Variants in CASQ2 observed in about 807,000 individuals in gnomAD.
The protein encoded by CASQ2 is calsequestrin 2.
Under a neutral mutation model 46.5 loss-of-function variants are expected in CASQ2, and 49 were observed. The observed-to-expected ratio is 1.05, with a 90% confidence interval of 0.84 to 1.34. The LOEUF is 1.34. Ranked by LOEUF, CASQ2 falls within the 40% of genes most tolerant of loss-of-function variation. The pLI is 0.00. For missense variants in CASQ2, 486 were observed against 481.3 expected (o/e 1.01, Z -0.09); for synonymous variants, 174 against 168.5 (o/e 1.03, Z -0.25).
chr1:115,762,426 CCT>C lies in CASQ2; in HGVS notation c.234+5880_234+5881del, dbSNP rs543657361. ...CATGTTCTGAAACACTCTCTAGCTG[CCT>C]GAAAAAATCCCCCATAGCTTTCCTT... On this transcript the variant is annotated intron_variant, in intron 1 of 10. Coordinates refer to ENST00000261448, the MANE Select transcript of CASQ2 (RefSeq NM_001232.4). Among the ~76,000 whole-genome samples the C allele has an allele frequency of 1.2e-4, 19 of 152,258 alleles. No individual in the cohort carries two copies. The East Asian group carries it at 3.3e-3, about 26-fold the overall frequency.
intron 7 of CASQ2, among the ~76,000 whole-genome samples, chr1:115,720,959 T>C (rs1202060011): frequency 6.6e-6 from 1 of 152,220 alleles, no homozygotes; most frequent in Non-Finnish European, 1.5e-5. Context: ...ACTATGCTTA[T>C]CAATTACCTA....
In CASQ2 at chr1:115,768,675, TGAA is replaced by T. The variant is rs1649212634; in HGVS notation, c.-137_-135del. On this transcript the variant is annotated 5_prime_UTR_variant, in exon 1 of 11. Transcript: ENST00000261448. The stretch of plus-strand genomic sequence containing the variant: ...CTCTCTTCTTTGCCCTTCCTGGGGC[TGAA>T]AAGTGACTCTTCACCTCCTTGGGTC... The T allele has an allele frequency of 1.4e-6, 1 of 693,478 alleles. No homozygotes were observed. The highest frequency in any genetic ancestry group is 1.8e-5 in the African/African-American group (1 of 56,374). 43.0% of individuals were successfully genotyped at this position (693,478 alleles called of 1,614,324 possible). A position where few individuals can be genotyped will look rare whatever the true frequency, so the allele number is the denominator to read the frequency against.
intron 9 of CASQ2, 58 bp from the exon 10 acceptor site, chr1:115,703,053 C>A: frequency 1.5e-6 from 2 of 1,360,570 alleles, no homozygotes; most frequent in Non-Finnish European, 2.1e-6. Context: ...CTGTTAAGGA[C>A]CCACCCGCCG....
intron 4 of CASQ2, among the ~76,000 whole-genome samples, chr1:115,735,949 G>A (rs183138191): frequency 2.0e-4 from 30 of 152,122 alleles, no homozygotes; most frequent in African/African-American, 7.2e-4. Flanking sequence ...ATCATCTGAG[G>A]TCAGGAGTTC....
rs1654186246 is a variant in CASQ2, at chr1:115,700,991, G to C, written c.*250C>G. The C allele has an allele frequency of 1.6e-6, 1 of 633,024 alleles. No homozygotes were observed. The highest frequency in any genetic ancestry group is 2.8e-6 in the Non-Finnish European group (1 of 355,324). 39.2% of individuals were successfully genotyped at this position (633,024 alleles called of 1,614,324 possible). On this transcript the variant is annotated 3_prime_UTR_variant, in exon 11 of 11. Transcript: ENST00000261448. ...GATGGTCCAGCAAAGAACAAGATCT[G>C]TTCCGTGACAGTCAAGACAGTCAAC... is the stretch of plus-strand genomic sequence containing the variant.
Position 115,701,345 on chromosome 1 carries a change from G to A in CASQ2, c.1096C>T (p.Leu366Phe). ...EELEDWIEDV[L>F]SGKINTEDDD... ...TCTTCAGTGTTTATCTTTCCAGAAA[G>A]CACATCCTCAATCCAGTCCTCCAGC... Residue 366 changes from leucine to phenylalanine, a missense_variant, in exon 11 of 11, where the codon CTT (leucine) becomes TTT (phenylalanine). By Grantham distance (22) the Leu-to-Phe change is conservative. Transcript: ENST00000261448. 6.2e-7 allele frequency: 1 copy of A among 1,612,928 alleles called. No individual in the cohort carries two copies. Among genetic ancestry groups the A allele is most frequent in the Non-Finnish European group, 8.5e-7 (1 of 1,179,024 alleles).
chr1:115,766,739 C>T (rs528312629), intron 1 of CASQ2, among the ~76,000 whole-genome samples: 2 of 151,950 alleles, frequency 1.3e-5, no homozygotes, highest in Non-Finnish European at 2.9e-5. Context: ...TCTGCTGGGC[C>T]GGCACCCACT....
intron 7 of CASQ2, among the ~76,000 whole-genome samples, chr1:115,721,367 A>C (rs1368009058): frequency 6.6e-6 from 1 of 152,130 alleles, no homozygotes; most frequent in African/African-American, 2.4e-5. Context: ...TTTCCAATGT[A>C]CACACAGCAA....
intron 3 of CASQ2, among the ~76,000 whole-genome samples, chr1:115,739,487 G>C (rs1648109124): frequency 2.0e-5 from 3 of 152,108 alleles, no homozygotes; most frequent in African/African-American, 7.2e-5. Flanking sequence ...TCCCCTGCCA[G>C]TTATTGATTC....
intron 5 of CASQ2, among the ~76,000 whole-genome samples, chr1:115,730,336 G>A (rs1164923311): frequency 6.6e-6 from 1 of 152,140 alleles, no homozygotes; most frequent in Non-Finnish European, 1.5e-5. Context: ...CTCATATGAT[G>A]TATTTATTGG....
intron 7 of CASQ2, among the ~76,000 whole-genome samples, chr1:115,719,171 T>C (rs1647284042): frequency 6.6e-6 from 1 of 152,216 alleles, no homozygotes; most frequent in African/African-American, 2.4e-5. Context: ...AAAATATTAT[T>C]ATTAAAAACA....
chr1:115,727,332 G>A (rs1488798772), intron 5 of CASQ2, among the ~76,000 whole-genome samples: 2 of 152,168 alleles, frequency 1.3e-5, no homozygotes, highest in Non-Finnish European at 2.9e-5. Flanking sequence ...AAGATAGGAA[G>A]GAAAAAGACT....
chr1:115,749,901 T>A (rs1215064573), intron 1 of CASQ2, among the ~76,000 whole-genome samples: 1 of 152,194 alleles, frequency 6.6e-6, no homozygotes, highest in Non-Finnish European at 1.5e-5. Flanking sequence ...TCCATGTTCA[T>A]CTTTCACCCC....
intron 7 of CASQ2, among the ~76,000 whole-genome samples, chr1:115,721,356 C>G (rs1647369150): frequency 1.3e-5 from 2 of 152,086 alleles, no homozygotes; most frequent in African/African-American, 2.4e-5. Context: ...AAATAAATAG[C>G]TTTCCAATGT....
At chr1:115,703,504 G>C (rs1654273132) in intron 9 of CASQ2, among the ~76,000 whole-genome samples, 4 of 151,968 alleles carry the variant, frequency 2.6e-5, no homozygotes, top group Admixed American at 2.6e-4. Context: ...TTTTTTAATG[G>C]AGATGTCCAG....
chr1:115,711,939 TTTTG>T (rs538327684), intron 8 of CASQ2, among the ~76,000 whole-genome samples: 5 of 151,728 alleles, frequency 3.3e-5, no homozygotes, highest in South Asian at 2.1e-4. Context: ...GGCGTAAGGG[TTTTG>T]TTTGTTTGTT....
intron 8 of CASQ2, among the ~76,000 whole-genome samples, chr1:115,709,063 C>G (rs1035718427): frequency 6.6e-6 from 1 of 152,226 alleles, no homozygotes; most frequent in Non-Finnish European, 1.5e-5. Flanking sequence ...CTCCAAGGCT[C>G]TCCCCTCTTC....
intron 8 of CASQ2, among the ~76,000 whole-genome samples, chr1:115,712,000 T>C (rs557373695): frequency 6.6e-6 from 1 of 152,300 alleles, no homozygotes; most frequent in African/African-American, 2.4e-5. Flanking sequence ...CACAACATCT[T>C]AAGCCCAGAG....
At chr1:115,732,231 T>A (rs1355199795) in intron 5 of CASQ2, 2 of 152,678 alleles carry the variant, frequency 1.3e-5, no homozygotes, top group East Asian at 3.8e-4. Context: ...AGACACTTAA[T>A]ACATGATAGC....
Sources: allele counts gnomAD v4.1 joint callset (sites outside exome capture counted in the v4.1 genomes callset), GRCh38; gene constraint gnomAD v4.1.1; transcripts MANE v1.5; gene names NCBI Gene and HGNC (gene_info 2026-07-23, HGNC 2026-07-21).